The following SLIT3 variants were observed in gnomAD, a reference collection of about 807,000 sequenced individuals.
SLIT3 encodes the protein slit homolog 3 protein.
In SLIT3, 68 loss-of-function variants were observed where a neutral mutation model predicts 184.0. The observed-to-expected ratio is 0.37, with a 90% confidence interval of 0.30 to 0.45. SLIT3 has a LOEUF of 0.45. Ranked by LOEUF, SLIT3 falls within the 20% of genes least tolerant of loss-of-function variation. The probability of loss-of-function intolerance (pLI) is 1.00; values close to 1 mark genes in which losing one functional copy is unlikely to be tolerated. For synonymous variants in SLIT3, 831 were observed against 828.6 expected (o/e 1.00, Z -0.05); for missense variants, 1,707 against 2,026.0 (o/e 0.84, Z 3.02).
chr5:168,832,547 C>T (rs1757915169), intron 6 of SLIT3, among the ~76,000 whole-genome samples: 2 of 152,230 alleles, frequency 1.3e-5, no homozygotes. Flanking sequence ...AATTCCCACT[C>T]TGAACAGCCT....
intron 26 of SLIT3, among the ~76,000 whole-genome samples, chr5:168,701,525 G>A (rs757201777): frequency 3.3e-5 from 5 of 152,208 alleles, no homozygotes; most frequent in South Asian, 2.1e-4. Context: ...GGAGAGGAGC[G>A]TGCCAGGCAG....
intron 2 of SLIT3, among the ~76,000 whole-genome samples, chr5:169,249,442 A>T (rs1335338668): frequency 6.6e-6 from 1 of 152,212 alleles, no homozygotes; most frequent in African/African-American, 2.4e-5. Context: ...ATTATTTTAA[A>T]CTTTCTATTT....
At chr5:168,754,154 T>A in intron 16 of SLIT3, 147 bp from the exon 17 acceptor site, 2 of 779,318 alleles carry the variant, frequency 2.6e-6, no homozygotes, top group Non-Finnish European at 4.0e-6. Flanking sequence ...AGTCTGGGGC[T>A]CCCTGAACTT....
intron 4 of SLIT3, among the ~76,000 whole-genome samples, chr5:169,107,898 C>T (rs988577258): frequency 1.3e-5 from 2 of 152,246 alleles, no homozygotes; most frequent in African/African-American, 4.8e-5. Flanking sequence ...AGAACTCCTT[C>T]AGAGAAGCCT....
In SLIT3 at chr5:168,823,343, G is replaced by C. The variant is rs1251146336; in HGVS notation, c.558-12C>G. On this transcript the variant is annotated splice_polypyrimidine_tract_variant and intron_variant, in intron 6 of 35. Transcript: ENST00000519560. ...TGTTGTTGAGGGTACTGTGGAGATA[G>C]ACAAGGGAGATGGTCAGCCAGGCAG... The C allele has an allele frequency of 6.2e-7, 1 of 1,607,632 alleles. No individual in the cohort carries two copies. The highest frequency in any genetic ancestry group is 1.3e-5 in the African/African-American group (1 of 74,746).
intron 14 of SLIT3, among the ~76,000 whole-genome samples, chr5:168,770,421 C>T (rs1231490531): frequency 6.6e-6 from 1 of 152,182 alleles, no homozygotes; most frequent in African/African-American, 2.4e-5. Context: ...ACCTGCCCCC[C>T]TTCTTTCTTC....
chr5:169,082,780 T>C (rs1403104764), intron 4 of SLIT3, among the ~76,000 whole-genome samples: 1 of 152,230 alleles, frequency 6.6e-6, no homozygotes, highest in African/African-American at 2.4e-5. Flanking sequence ...AGAGCCATTG[T>C]TTATCTTTCG....
chr5:168,859,760 A>G (rs779930358), intron 5 of SLIT3, among the ~76,000 whole-genome samples: 36 of 152,254 alleles, frequency 2.4e-4, no homozygotes, highest in Non-Finnish European at 2.9e-4. Context: ...TTCAGAACAG[A>G]ATTCAGGGGT....
intron 4 of SLIT3, among the ~76,000 whole-genome samples, chr5:168,906,823 A>C (rs950174366): frequency 5.9e-5 from 9 of 152,104 alleles, no homozygotes; most frequent in African/African-American, 1.9e-4. Flanking sequence ...TGTCCTTGGG[A>C]GCAAGGCAGG....
chr5:169,036,561 G>A (rs1164366990), intron 4 of SLIT3: 3 of 152,084 alleles, frequency 2.0e-5, no homozygotes, highest in Non-Finnish European at 4.4e-5. Context: ...TTTAATTTCC[G>A]AATAGGGCAA....
intron 4 of SLIT3, among the ~76,000 whole-genome samples, chr5:169,102,615 G>A (rs1760061910): frequency 6.6e-6 from 1 of 152,128 alleles, no homozygotes; most frequent in African/African-American, 2.4e-5. Flanking sequence ...GCAGTTGGTT[G>A]AAACCATGGA....
At chr5:168,806,665 C>T (rs1352114996) in intron 8 of SLIT3, 78 bp from the exon 9 acceptor site, 2 of 1,546,134 alleles carry the variant, frequency 1.3e-6, no homozygotes, top group East Asian at 2.3e-5. Flanking sequence ...AACCAGCATC[C>T]TAAGGGCAAA....
chr5:168,750,491 G>A (rs1368457549), intron 18 of SLIT3, among the ~76,000 whole-genome samples: 1 of 152,188 alleles, frequency 6.6e-6, no homozygotes, highest in Non-Finnish European at 1.5e-5. Flanking sequence ...GCAATGAAGG[G>A]CTTGAGAGTG....
intron 4 of SLIT3, among the ~76,000 whole-genome samples, chr5:168,936,249 T>A (rs921181996): frequency 2.6e-5 from 4 of 152,180 alleles, no homozygotes; most frequent in Non-Finnish European, 5.9e-5. Context: ...GTTTTTCTTC[T>A]TTTTGAGGCA....
At chr5:168,811,016 A>G (rs1380345546) in intron 8 of SLIT3, among the ~76,000 whole-genome samples, 1 of 152,104 alleles carries the variant, frequency 6.6e-6, no homozygotes, top group Non-Finnish European at 1.5e-5. Context: ...GCCCAGCCAC[A>G]TTGTTCTTCT....
At chr5:168,723,409 A>G (rs1287853359) in intron 21 of SLIT3, among the ~76,000 whole-genome samples, 2 of 152,018 alleles carry the variant, frequency 1.3e-5, no homozygotes, top group Admixed American at 6.6e-5. Flanking sequence ...GTCATTTTCA[A>G]TTCAAACACT....
chr5:168,703,035 C>T (rs899003780), intron 26 of SLIT3, among the ~76,000 whole-genome samples: 11 of 152,148 alleles, frequency 7.2e-5, no homozygotes, highest in African/African-American at 2.4e-4. Flanking sequence ...CAGAGCCTAG[C>T]GCTTGATGAC....
At chr5:168,812,631 A>G (rs1757198435) in intron 8 of SLIT3, among the ~76,000 whole-genome samples, 1 of 152,210 alleles carries the variant, frequency 6.6e-6, no homozygotes, top group Non-Finnish European at 1.5e-5. Flanking sequence ...CAAATTAAGC[A>G]TCCTTACTGG....
chr5:169,242,594 G>C (rs1765438943), intron 3 of SLIT3, among the ~76,000 whole-genome samples: 5 of 151,858 alleles, frequency 3.3e-5, no homozygotes, highest in Admixed American at 2.6e-4. Context: ...GTAAAGTTGA[G>C]GAGAAGAAGA....
Sources: allele counts gnomAD v4.1 joint callset (sites outside exome capture counted in the v4.1 genomes callset), GRCh38; gene constraint gnomAD v4.1.1; transcripts MANE v1.5; gene names NCBI Gene and HGNC (gene_info 2026-07-23, HGNC 2026-07-21).